The following MCU variants were observed in gnomAD, a reference collection of about 807,000 sequenced individuals.
MCU encodes calcium uniporter protein, mitochondrial.
A neutral mutation model predicts 45.2 loss-of-function variants in MCU; 12 were observed. The observed-to-expected ratio is 0.27, with a 90% CI of 0.17 to 0.43. The LOEUF is 0.43. MCU is among the 20% of genes least tolerant of loss of function. MCU has a pLI of 1.00. For missense variants in MCU, 324 were observed against 436.7 expected (o/e 0.74, Z 2.30); for synonymous variants, 160 against 165.1 (o/e 0.97, Z 0.24).
At chr10:72,838,950 T>A (rs1845002611) in intron 2 of MCU, among the ~76,000 whole-genome samples, 1 of 152,012 alleles carries the variant, frequency 6.6e-6, no homozygotes, top group Non-Finnish European at 1.5e-5. Flanking sequence ...TCACATACCA[T>A]AAAATTTACC....
At chr10:72,746,799 C>T (rs564761032) in intron 1 of MCU, among the ~76,000 whole-genome samples, 35 of 152,210 alleles carry the variant, frequency 2.3e-4, no homozygotes, top group African/African-American at 7.7e-4. Context: ...TAATCCCTGC[C>T]GACTCTGAGA....
Position 72,859,330 on chromosome 10 carries a change from T to C in MCU, c.374T>C (p.Val125Ala), listed in dbSNP as rs1247131884. Residue 125 changes from valine (V) to alanine (A), a missense_variant, in exon 3 of 8, where the codon GTT (valine) becomes GCT (alanine). Physicochemically the swap from Val to Ala is moderately conservative, Grantham distance 64. Transcript: ENST00000373053. The part of the protein sequence containing the change: ...LQEEDRGIDR[V>A]AIYSPDGVRV... ...GAAGAGGATCGGGGAATTGACAGAGTTGCTATCTATTCACCAGGTATAGTC... is the reference window on the plus strand; with the variant it reads ...GAAGAGGATCGGGGAATTGACAGAGCTGCTATCTATTCACCAGGTATAGTC... 6.2e-7 allele frequency: 1 copy of C among 1,611,806 alleles called. No homozygotes were observed. The highest frequency in any genetic ancestry group is 1.7e-5 in the Admixed American group (1 of 59,538).
In MCU at chr10:72,774,906, A is replaced by G. The variant is rs566750351; in HGVS notation, c.151-59453A>G. Among the ~76,000 whole-genome samples the G allele has an allele frequency of 3.9e-5, 6 of 152,270 alleles. No individual in the cohort carries two copies. The South Asian group carries it at 1.2e-3, about 32-fold the overall frequency. On this transcript the variant is annotated intron_variant, in intron 1 of 7. Coordinates refer to ENST00000373053, the MANE Select transcript of MCU (RefSeq NM_138357.3). Reference sequence around the variant, plus strand: ...TGGAGCACTTAAGTGTGTAAAGCCAATGTTAGTAGATCTAAAGGGAAATAC... The same window carrying G: ...TGGAGCACTTAAGTGTGTAAAGCCAGTGTTAGTAGATCTAAAGGGAAATAC...
intron 1 of MCU, among the ~76,000 whole-genome samples, chr10:72,800,815 G>C (rs1233023861): frequency 1.3e-5 from 2 of 152,122 alleles, no homozygotes; most frequent in African/African-American, 4.8e-5. Flanking sequence ...TAAGGTGTTG[G>C]ATTATTTTTT....
chr10:72,765,963 C>T (rs906939115), intron 1 of MCU, among the ~76,000 whole-genome samples: 1 of 152,064 alleles, frequency 6.6e-6, no homozygotes, highest in Admixed American at 6.6e-5. Context: ...ACCTCCTAGG[C>T]TCCACTGATC....
intron 2 of MCU, among the ~76,000 whole-genome samples, chr10:72,853,078 C>G (rs1406307072): frequency 1.3e-5 from 2 of 152,106 alleles, no homozygotes; most frequent in African/African-American, 4.8e-5. Context: ...TATACAAGAT[C>G]CAGCACTCAA....
intron 4 of MCU, among the ~76,000 whole-genome samples, 185 bp downstream of exon 4, chr10:72,860,712 C>T (rs746267608): frequency 9.2e-5 from 14 of 152,090 alleles, no homozygotes; most frequent in Admixed American, 6.5e-4. Context: ...GCTAGTACGT[C>T]GACAAAAATC....
intron 1 of MCU, among the ~76,000 whole-genome samples, chr10:72,773,083 G>A (rs996800155): frequency 1.3e-5 from 2 of 152,060 alleles, no homozygotes; most frequent in African/African-American, 4.8e-5. Context: ...ATATTTTGTA[G>A]AGATGGTCCC....
At chr10:72,717,687 A>G (rs1001339550) in intron 1 of MCU, among the ~76,000 whole-genome samples, 7 of 152,198 alleles carry the variant, frequency 4.6e-5, no homozygotes, top group Admixed American at 2.6e-4. Context: ...TAAAATTGGC[A>G]TAGATAGAAT....
chr10:72,781,794 T>G (rs1053426793), intron 1 of MCU, among the ~76,000 whole-genome samples: 2 of 152,144 alleles, frequency 1.3e-5, no homozygotes, highest in Non-Finnish European at 2.9e-5. Flanking sequence ...GTTGCTGCAG[T>G]ATGTTTAAGG....
intron 1 of MCU, among the ~76,000 whole-genome samples, chr10:72,720,758 G>A (rs1437821624): frequency 6.6e-6 from 1 of 152,136 alleles, no homozygotes. Context: ...TGTATTCTCT[G>A]CAGTGTCTTA....
At chr10:72,704,966 G>A (rs1400957230) in intron 1 of MCU, among the ~76,000 whole-genome samples, 4 of 151,802 alleles carry the variant, frequency 2.6e-5, no homozygotes, top group Non-Finnish European at 4.4e-5. Flanking sequence ...TAATCCGCCC[G>A]CCTCGGCCTC....
intron 1 of MCU, among the ~76,000 whole-genome samples, chr10:72,768,997 A>T (rs1420882096): frequency 6.6e-6 from 1 of 151,678 alleles, no homozygotes; most frequent in Non-Finnish European, 1.5e-5. Flanking sequence ...GACTACAGGC[A>T]TGCACCACCA....
intron 1 of MCU, among the ~76,000 whole-genome samples, chr10:72,705,727 A>G (rs1842810939): frequency 6.6e-6 from 1 of 152,152 alleles, no homozygotes; most frequent in South Asian, 2.1e-4. Context: ...CTGAGGCAGG[A>G]GAATCATTTG....
At chr10:72,884,527 C>T in intron 7 of MCU, 145 bp downstream of exon 7, 1 of 572,600 alleles carries the variant, frequency 1.7e-6, no homozygotes, top group Non-Finnish European at 3.1e-6. Flanking sequence ...CAGTTGATTA[C>T]AGTAACTATT....
chr10:72,750,860 A>G (rs1235167425), intron 1 of MCU, among the ~76,000 whole-genome samples: 5 of 152,232 alleles, frequency 3.3e-5, no homozygotes, highest in Non-Finnish European at 7.3e-5. Context: ...GCAGATTGTC[A>G]TATAAATGAA....
At chr10:72,836,555 C>T (rs1844958912) in intron 2 of MCU, among the ~76,000 whole-genome samples, 1 of 151,882 alleles carries the variant, frequency 6.6e-6, no homozygotes, top group South Asian at 2.1e-4. Flanking sequence ...AGTAATTTAA[C>T]AATGGTACAG....
intron 6 of MCU, among the ~76,000 whole-genome samples, chr10:72,880,444 T>C (rs551394008): frequency 6.7e-6 from 1 of 150,252 alleles, no homozygotes; most frequent in African/African-American, 2.4e-5. Context: ...AAAATTACTT[T>C]TAAAAATACA....
intron 1 of MCU, among the ~76,000 whole-genome samples, chr10:72,766,223 A>G (rs982258154): frequency 2.0e-5 from 3 of 152,164 alleles, no homozygotes; most frequent in Non-Finnish European, 2.9e-5. Flanking sequence ...GAAAGTTGCA[A>G]ATTTCAAGTA....
Sources: allele counts gnomAD v4.1 joint callset (sites outside exome capture counted in the v4.1 genomes callset), GRCh38; gene constraint gnomAD v4.1.1; transcripts MANE v1.5; gene names NCBI Gene and HGNC (gene_info 2026-07-23, HGNC 2026-07-21).